PDE1C: variants seen among roughly 807,000 people sequenced by gnomAD.
PDE1C encodes the protein phosphodiesterase 1C, also known as dual specificity calcium/calmodulin-dependent 3',5'-cyclic nucleotide phosphodiesterase 1C.
In PDE1C, 62 loss-of-function variants were observed where a neutral mutation model predicts 93.1. The ratio of observed to expected loss-of-function variants is 0.67; its 90% confidence interval spans 0.54 to 0.82. The LOEUF (loss-of-function observed/expected upper bound fraction) is 0.82, where lower values mean the gene tolerates loss of function less well. PDE1C is among the 40% of genes least tolerant of loss of function. PDE1C has a pLI of 0.00. For synonymous variants in PDE1C, 325 were observed against 310.1 expected (o/e 1.05, Z -0.50); for missense variants, 742 against 884.6 (o/e 0.84, Z 2.04).
intron 2 of PDE1C, among the ~76,000 whole-genome samples, chr7:32,048,032 T>C (rs891939858): frequency 6.6e-6 from 1 of 152,162 alleles, no homozygotes; most frequent in African/African-American, 2.4e-5. Flanking sequence ...AAATAAACCA[T>C]CAAGTAGGCA....
At chr7:31,683,457 T>A in the PDE1C span, among the ~76,000 whole-genome samples, 1 of 152,028 alleles carries the variant, frequency 6.6e-6, no homozygotes, top group African/African-American at 2.4e-5. Context: ...ATAAATGACA[T>A]CAGATTTTCT....
the PDE1C span, among the ~76,000 whole-genome samples, chr7:31,693,354 A>G: frequency 6.6e-6 from 1 of 152,192 alleles, no homozygotes; most frequent in African/African-American, 2.4e-5. Flanking sequence ...TTTATTCAAC[A>G]CATGACTATG....
intron 2 of PDE1C, among the ~76,000 whole-genome samples, chr7:32,017,717 T>C (rs1212691517): frequency 1.3e-5 from 2 of 152,050 alleles, no homozygotes; most frequent in South Asian, 2.1e-4. Flanking sequence ...TCAAGGAAAA[T>C]ACACAAATGG....
chr7:31,622,153 A>ATGTG, the PDE1C span, among the ~76,000 whole-genome samples: 1 of 135,904 alleles, frequency 7.4e-6, no homozygotes. Context: ...CACATTAATA[A>ATGTG]TGGGAGACTT....
chr7:31,975,913 A>G (rs928354396), intron 2 of PDE1C, among the ~76,000 whole-genome samples: 1 of 152,334 alleles, frequency 6.6e-6, no homozygotes, highest in Non-Finnish European at 1.5e-5. Flanking sequence ...CCGAAAAGTG[A>G]CCAATCAAAA....
rs79138702 is a variant in PDE1C, at chr7:31,934,706, G to A, written c.129-53846C>T. On this transcript the variant is annotated intron_variant, in intron 2 of 17. Coordinates refer to ENST00000396191, the MANE Select transcript of PDE1C (RefSeq NM_001191057.4). ...CTGATTTGTGGTACGTTTGAGGAAGGGTAATCTCCTCTTATGCCATCATTC... is the reference window on the plus strand; with the variant it reads ...CTGATTTGTGGTACGTTTGAGGAAGAGTAATCTCCTCTTATGCCATCATTC... Among the ~76,000 whole-genome samples, 635 of 152,194 alleles carry A rather than the reference G, an allele frequency of 4.2e-3. 2 individuals carry two copies. Among genetic ancestry groups the A allele is most frequent in the African/African-American group, 0.015 (612 of 41,530 alleles).
intron 3 of PDE1C, among the ~76,000 whole-genome samples, chr7:32,165,454 G>A (rs941025681): frequency 6.6e-6 from 1 of 152,178 alleles, no homozygotes; most frequent in African/African-American, 2.4e-5. Context: ...AAAGGAAAGA[G>A]GTTTAATTGA....
the PDE1C span, chr7:31,652,692 C>A: frequency 6.2e-7 from 1 of 1,613,922 alleles, no homozygotes; most frequent in Non-Finnish European, 8.5e-7. Flanking sequence ...AGGTGGGACC[C>A]AGTTGGCTGC....
At chr7:31,976,179 T>C (rs781445261) in intron 2 of PDE1C, among the ~76,000 whole-genome samples, 1 of 152,202 alleles carries the variant, frequency 6.6e-6, no homozygotes, top group Non-Finnish European at 1.5e-5. Flanking sequence ...CTGAATAATA[T>C]ATAACGGCAT....
chr7:31,675,892 A>G, the PDE1C span, among the ~76,000 whole-genome samples: 1 of 152,192 alleles, frequency 6.6e-6, no homozygotes, highest in Admixed American at 6.5e-5. Flanking sequence ...CAGCATCTAC[A>G]GCAAAGCAGG....
At chr7:31,846,191 A>T (rs1260190782) in intron 9 of PDE1C, among the ~76,000 whole-genome samples, 1 of 149,768 alleles carries the variant, frequency 6.7e-6, no homozygotes, top group Non-Finnish European at 1.5e-5. Context: ...AAACATACGT[A>T]TGCTACTTCT....
chr7:32,299,538 C>G, upstream of PDE1C: 2 of 489,072 alleles, frequency 4.1e-6, no homozygotes, highest in Non-Finnish European at 5.3e-6. Flanking sequence ...TTTGGGTTTG[C>G]CCAATGTGAT....
intron 1 of PDE1C, among the ~76,000 whole-genome samples, chr7:32,241,527 G>T (rs1808545296): frequency 1.3e-5 from 2 of 152,084 alleles, no homozygotes; most frequent in African/African-American, 4.8e-5. Context: ...GTAGACTGAA[G>T]AGAGAAAACT....
chr7:31,969,126 C>A (rs928429133), intron 2 of PDE1C, among the ~76,000 whole-genome samples: 3 of 152,126 alleles, frequency 2.0e-5, no homozygotes, highest in Non-Finnish European at 4.4e-5. Flanking sequence ...CCAAAGTTGA[C>A]AAATGGGATC....
intron 15 of PDE1C, among the ~76,000 whole-genome samples, chr7:31,815,395 C>T (rs1216709183): frequency 2.0e-5 from 3 of 152,044 alleles, no homozygotes; most frequent in Non-Finnish European, 4.4e-5. Context: ...ACCAGCTTAC[C>T]CCAGTTTGCC....
intron 1 of PDE1C, among the ~76,000 whole-genome samples, chr7:32,283,472 T>C (rs1811805898): frequency 6.6e-6 from 1 of 152,246 alleles, no homozygotes; most frequent in Non-Finnish European, 1.5e-5. Flanking sequence ...AATCATATGT[T>C]TAACTTGCAT....
At chr7:32,405,745 T>C (rs79838493) in intron 1 of PDE1C, among the ~76,000 whole-genome samples, 1,756 of 152,246 alleles carry the variant, frequency 0.012, 29 homozygotes, top group African/African-American at 0.041. Context: ...GCCTACTACT[T>C]TGGCCCCCAA....
chr7:31,746,814 A>T (rs1794016891), downstream of PDE1C, among the ~76,000 whole-genome samples: 1 of 152,116 alleles, frequency 6.6e-6, no homozygotes, highest in Admixed American at 6.6e-5. Flanking sequence ...ACATGTCCTA[A>T]TTGAGAGGAC....
intron 3 of PDE1C, among the ~76,000 whole-genome samples, chr7:32,117,858 G>A (rs1350537211): frequency 6.6e-6 from 1 of 152,202 alleles, no homozygotes; most frequent in African/African-American, 2.4e-5. Context: ...GGGGGAAGGG[G>A]TGTTGTTGTG....
Sources: gnomAD v4.1 joint callset for allele counts (sites outside exome capture counted in the v4.1 genomes callset) on GRCh38, gnomAD v4.1.1 for gene constraint, MANE v1.5 for transcripts, NCBI Gene and HGNC (gene_info 2026-07-23, HGNC 2026-07-21) for gene names.